The following PTK2B variants were observed in gnomAD, a reference collection of about 807,000 sequenced individuals.
PTK2B encodes protein-tyrosine kinase 2-beta.
Under a neutral mutation model 142.9 loss-of-function variants are expected in PTK2B, and 71 were observed. The ratio of observed to expected loss-of-function variants is 0.50; its 90% confidence interval spans 0.41 to 0.61. The LOEUF (loss-of-function observed/expected upper bound fraction) is 0.61. PTK2B is among the 20% of genes least tolerant of loss of function. PTK2B has a pLI of 0.00. For missense variants in PTK2B, 1,105 were observed against 1,320.4 expected, an observed-to-expected ratio of 0.84 and a Z score of 2.53; for synonymous variants, 519 against 503.4, an observed-to-expected ratio of 1.03 and a Z score of -0.42.
intron 21 of PTK2B, among the ~76,000 whole-genome samples, chr8:27,441,079 A>C (rs1379321025): frequency 6.6e-6 from 1 of 152,120 alleles, no homozygotes; most frequent in Non-Finnish European, 1.5e-5. Flanking sequence ...GGGAGTCAGT[A>C]AGCATTTTCT....
In PTK2B at chr8:27,434,516, C is replaced by G. The variant is rs140576421; in HGVS notation, c.1149C>G (p.Asn383Lys). 56 of 1,609,442 alleles carry G rather than the reference C, an allele frequency of 3.5e-5. No homozygotes were observed. Among genetic ancestry groups the G allele is most frequent in the Non-Finnish European group, 4.7e-5 (55 of 1,178,068 alleles). Residue 383 changes from asparagine to lysine, a missense_variant, in exon 13 of 31, where the codon AAC becomes AAG. Physicochemically the swap from Asn to Lys is moderately conservative, Grantham distance 94. Coordinates refer to ENST00000346049, the MANE Select transcript of PTK2B (RefSeq NM_173176.3). ...TCTGCTCTCTCACCTCCTACAGAAA[C>G]CTGGAGGCCCGGCGGTCCCACCTCT... is the stretch of plus-strand genomic sequence containing the variant. ...RNSLPQIPML[N>K]LEARRSHLSE...
At position 27,434,123 on chromosome 8, in the gene PTK2B, T is replaced by C; in HGVS notation, c.1136T>C (p.Ile379Thr). The C allele has an allele frequency of 6.2e-7, 1 of 1,613,996 alleles. No individual in the cohort carries two copies. Among genetic ancestry groups the C allele is most frequent in the Non-Finnish European group, 8.5e-7 (1 of 1,179,948 alleles). ...DGEKRNSLPQ[I>T]PMLNLEARRS... ...GAGAAGCGGAACAGCCTGCCCCAGA[T>C]CCCCATGCTGTGAGTACAATGGGGT... The change falls in exon 12 of 31, where the codon ATC becomes ACC. Residue 379 changes from isoleucine (I) to threonine (T), a missense_variant. Coordinates refer to ENST00000346049, the MANE Select transcript of PTK2B (RefSeq NM_173176.3).
At chr8:27,368,642 T>C (rs1385876242) in intron 1 of PTK2B, among the ~76,000 whole-genome samples, 3 of 152,226 alleles carry the variant, frequency 2.0e-5, no homozygotes, top group East Asian at 3.8e-4. Context: ...CACAGACACT[T>C]AGCAAACCCT....
At chr8:27,435,137 A>G (rs773896735) in intron 13 of PTK2B, among the ~76,000 whole-genome samples, 1 of 152,260 alleles carries the variant, frequency 6.6e-6, no homozygotes, top group Admixed American at 6.5e-5. Context: ...ACAGTTCTAG[A>G]GGCTGGAAGT....
At chr8:27,409,056 A>G (rs915662089) in intron 2 of PTK2B, among the ~76,000 whole-genome samples, 3 of 152,096 alleles carry the variant, frequency 2.0e-5, no homozygotes, top group African/African-American at 7.2e-5. Flanking sequence ...CCCCGTGTGC[A>G]TGTCTCTCTC....
At chr8:27,425,499 G>T (rs985457073) in intron 5 of PTK2B, among the ~76,000 whole-genome samples, 4 of 151,988 alleles carry the variant, frequency 2.6e-5, no homozygotes, top group Admixed American at 6.6e-5. Context: ...TGAGCAGAAG[G>T]TACAGAGTTC....
chr8:27,404,105 T>A (rs974986406), intron 2 of PTK2B, among the ~76,000 whole-genome samples: 2 of 152,102 alleles, frequency 1.3e-5, no homozygotes, highest in Non-Finnish European at 2.9e-5. Context: ...CTCAAATGTA[T>A]CATGATATGG....
chr8:27,375,752 G>A (rs892851902), intron 1 of PTK2B, among the ~76,000 whole-genome samples: 1 of 152,160 alleles, frequency 6.6e-6, no homozygotes, highest in Admixed American at 6.5e-5. Context: ...TTATGCACGG[G>A]TGCCCCCAGC....
intron 1 of PTK2B, among the ~76,000 whole-genome samples, chr8:27,376,895 T>A (rs1011022675): frequency 2.6e-5 from 4 of 152,222 alleles, no homozygotes; most frequent in Non-Finnish European, 4.4e-5. Context: ...TCTTATTCCT[T>A]TACTTTCTTA....
chr8:27,350,630 G>A (rs552577245), intron 1 of PTK2B, among the ~76,000 whole-genome samples: 13 of 152,124 alleles, frequency 8.5e-5, no homozygotes, highest in African/African-American at 1.7e-4. Flanking sequence ...GCAAGAGGTC[G>A]GACATAACAC....
upstream of PTK2B, chr8:27,322,367 C>T (rs1408749836): frequency 6.6e-6 from 1 of 152,084 alleles, no homozygotes; most frequent in Non-Finnish European, 1.5e-5. Context: ...ATTTATTTAC[C>T]TTATCCAAGC....
In PTK2B at chr8:27,440,271, G is replaced by T; in HGVS notation, c.1869G>T (p.Lys623Asn). ...VCMWEILSFG[K>N]QPFFWLENKD... ...TGTGGGAGATCCTGAGCTTTGGGAA[G>T]CAGCCCTTCTTCTGGCTGGAGAACA... The change falls in exon 21 of 31, where the codon AAG (lysine) becomes AAT (asparagine). Residue 623 changes from lysine to asparagine, a missense_variant. Lys to Asn is a moderately conservative substitution (Grantham distance 94). Coordinates refer to ENST00000346049, the MANE Select transcript of PTK2B (RefSeq NM_173176.3). The T allele has an allele frequency of 6.2e-7, 1 of 1,614,228 alleles. No homozygotes were observed. Among genetic ancestry groups the T allele is most frequent in the Non-Finnish European group, 8.5e-7 (1 of 1,180,038 alleles).
At chr8:27,400,620 A>G (rs371995055) in intron 2 of PTK2B, among the ~76,000 whole-genome samples, 1 of 152,180 alleles carries the variant, frequency 6.6e-6, no homozygotes, top group Non-Finnish European at 1.5e-5. Context: ...ATGATTAACT[A>G]GATATAGGGA....
chr8:27,326,219 C>T (rs1307053204), intron 1 of PTK2B, among the ~76,000 whole-genome samples: 2 of 125,908 alleles, frequency 1.6e-5, no homozygotes, highest in African/African-American at 3.2e-5. Context: ...CAGGGGAGCT[C>T]GTGTGTATGT....
intron 1 of PTK2B, among the ~76,000 whole-genome samples, chr8:27,346,732 C>T (rs1357766695): frequency 2.0e-5 from 3 of 152,228 alleles, no homozygotes; most frequent in Non-Finnish European, 4.4e-5. Flanking sequence ...CCAAACTCCT[C>T]CTCATGGAGA....
intron 2 of PTK2B, among the ~76,000 whole-genome samples, chr8:27,403,354 C>T (rs1369100698): frequency 6.6e-6 from 1 of 152,194 alleles, no homozygotes; most frequent in African/African-American, 2.4e-5. Flanking sequence ...TTACTCCATG[C>T]ATATTTGCTG....
In PTK2B at chr8:27,437,199, C is replaced by T. The variant is rs778599753; in HGVS notation, c.1419C>T (p.Ser473=). 112 of 1,613,544 alleles carry T rather than the reference C, an allele frequency of 6.9e-5. No individual in the cohort carries two copies. The highest frequency in any genetic ancestry group is 7.9e-5 in the Non-Finnish European group (93 of 1,179,678). The stretch of plus-strand genomic sequence containing the variant: ...TGGACAACAAGGAGAAGTTCATGAG[C>T]GAGGCAGGTAGGGACCCCTGAGACC... ...CTLDNKEKFM[S]EAVIMKNLDH... The change falls in exon 16 of 31, where the codon AGC becomes AGT. Residue 473 remains serine, a synonymous_variant. Coordinates refer to ENST00000346049, the MANE Select transcript of PTK2B (RefSeq NM_173176.3).
intron 24 of PTK2B, among the ~76,000 whole-genome samples, chr8:27,448,008 C>T (rs901098682): frequency 6.6e-6 from 1 of 152,252 alleles, no homozygotes; most frequent in Non-Finnish European, 1.5e-5. Flanking sequence ...CAGGTGCACA[C>T]TTACCTGTAA....
intron 17 of PTK2B, 51 bp from the exon 18 acceptor site, chr8:27,437,714 T>G (rs1016689029): frequency 6.5e-6 from 10 of 1,538,878 alleles, no homozygotes; most frequent in Admixed American, 1.9e-5. Flanking sequence ...GTCCCCTGGC[T>G]CCATACTGGG....
Sources: gnomAD v4.1 joint callset for allele counts (sites outside exome capture counted in the v4.1 genomes callset) on GRCh38, gnomAD v4.1.1 for gene constraint, MANE v1.5 for transcripts, NCBI Gene and HGNC (gene_info 2026-07-23, HGNC 2026-07-21) for gene names.